Variants in IGSF10 observed in about 807,000 individuals in gnomAD.
IGSF10 encodes calvaria mechanical force protein 608.
A neutral mutation model predicts 128.2 loss-of-function variants in IGSF10; 126 were observed. The ratio of observed to expected loss-of-function variants is 0.98; its 90% CI spans 0.85 to 1.14. The LOEUF (loss-of-function observed/expected upper bound fraction) is 1.14. Ranked by LOEUF, IGSF10 falls within the 50% of genes most tolerant of loss-of-function variation. IGSF10 has a pLI of 0.00. For synonymous variants in IGSF10, 1,185 were observed against 1,146.2 expected (o/e 1.03, Z -0.68); for missense variants, 3,295 against 3,149.8 (o/e 1.05, Z -1.10).
the IGSF10 span, among the ~76,000 whole-genome samples, chr3:151,472,967 C>T: frequency 6.6e-6 from 1 of 152,168 alleles, no homozygotes; most frequent in Non-Finnish European, 1.5e-5. Context: ...AAAAGGACCC[C>T]TTCTGACTTG....
chr3:151,496,958 T>A, the IGSF10 span, among the ~76,000 whole-genome samples: 35 of 152,212 alleles, frequency 2.3e-4, no homozygotes, highest in African/African-American at 7.5e-4. Context: ...CATGTGTCTG[T>A]TGGCTGCATA....
chr3:151,443,906 T>C, intron 6 of IGSF10, 22 bp from the exon 7 acceptor site: 1 of 1,539,736 alleles, frequency 6.5e-7, no homozygotes, highest in Non-Finnish European at 8.8e-7. Flanking sequence ...AAAAGAAAAT[T>C]ATTGCTACGG....
chr3:151,549,563 T>G, the IGSF10 span, among the ~76,000 whole-genome samples: 1 of 152,220 alleles, frequency 6.6e-6, no homozygotes, highest in Non-Finnish European at 1.5e-5. Context: ...GTCTTGAGAT[T>G]TAACTTTCAG....
At position 151,445,772 on chromosome 3, in the gene IGSF10, C is replaced by G. The variant is rs762019857; in HGVS notation, c.4209G>C (p.Gly1403=). The G allele has an allele frequency of 1.9e-6, 3 of 1,614,080 alleles. No homozygotes were observed. Among genetic ancestry groups the G allele is most frequent in the Non-Finnish European group, 2.5e-6 (3 of 1,180,052 alleles). The change falls in exon 6 of 8, where the codon GGG becomes GGC. Residue 1403 remains glycine (G), a synonymous_variant. Coordinates refer to ENST00000282466, the MANE Select transcript of IGSF10 (RefSeq NM_178822.5). ...AATGAAAACTGATTGTGCTTGAAAT[C>G]CCAGTTGTGTTTTCTGGTGGGGAAT... The part of the protein sequence containing the change: ...FTHSPPENTT[G]ISSTISFHSR...
At chr3:151,455,611 T>C (rs1220917066) in intron 4 of IGSF10, among the ~76,000 whole-genome samples, 1 of 152,170 alleles carries the variant, frequency 6.6e-6, no homozygotes, top group Non-Finnish European at 1.5e-5. Context: ...TAGCAAAATG[T>C]TTTCAAGACC....
chr3:151,453,306 C>G (rs1316741714), intron 5 of IGSF10, 78 bp downstream of exon 5: 244 of 1,063,296 alleles, frequency 2.3e-4, no homozygotes, highest in Non-Finnish European at 3.1e-4. Flanking sequence ...TTACCCTGGG[C>G]TCTCCACTTC....
chr3:151,518,428 T>G, the IGSF10 span, among the ~76,000 whole-genome samples: 1 of 152,016 alleles, frequency 6.6e-6, no homozygotes, highest in Admixed American at 6.6e-5. Flanking sequence ...TAAACCATTT[T>G]AAATTTAATT....
Position 151,458,522 on chromosome 3 carries a change from T to C in IGSF10, c.188A>G (p.Asn63Ser), listed in dbSNP as rs970248718. 6.2e-6 allele frequency: 10 copies of C among 1,612,494 alleles called. No individual in the cohort carries two copies. Among genetic ancestry groups the C allele is most frequent in the African/African-American group, 2.7e-5 (2 of 74,864 alleles). The part of the protein sequence containing the change: ...DSIPPNVERI[N>S]LGYNSLVRLM... The stretch of plus-strand genomic sequence containing the variant: ...AACATGAGGTCTCACACACCCTAAA[T>C]TGATGCGTTCCACATTGGGCGGGAT... Residue 63 changes from asparagine (N) to serine (S), a missense_variant, in exon 3 of 8, where the codon AAT becomes AGT. Physicochemically the swap from Asn to Ser is conservative, Grantham distance 46. Coordinates refer to ENST00000282466, the MANE Select transcript of IGSF10 (RefSeq NM_178822.5).
chr3:151,501,237 C>T, the IGSF10 span, among the ~76,000 whole-genome samples: 1 of 152,084 alleles, frequency 6.6e-6, no homozygotes, highest in Non-Finnish European at 1.5e-5. Context: ...TTGCCTCAAG[C>T]TTCCCTGTCT....
the IGSF10 span, among the ~76,000 whole-genome samples, chr3:151,572,181 C>CT: frequency 1.4e-4 from 21 of 152,070 alleles, no homozygotes; most frequent in African/African-American, 5.1e-4. Flanking sequence ...CTAAAATACT[C>CT]TTTTTTTGTT....
the IGSF10 span, among the ~76,000 whole-genome samples, chr3:151,594,887 A>T: frequency 6.6e-6 from 1 of 151,884 alleles, no homozygotes; most frequent in Non-Finnish European, 1.5e-5. Context: ...TATACCCCCA[A>T]AAGATGTACA....
chr3:151,510,540 T>A, the IGSF10 span, among the ~76,000 whole-genome samples: 3 of 151,920 alleles, frequency 2.0e-5, no homozygotes, highest in African/African-American at 7.3e-5. Flanking sequence ...AACTGGAAAC[T>A]CTAAAAATCA....
At chr3:151,525,862 C>T in the IGSF10 span, among the ~76,000 whole-genome samples, 1,271 of 152,266 alleles carry the variant, frequency 8.3e-3, 17 homozygotes, top group African/African-American at 0.029. Flanking sequence ...ATTACATCTG[C>T]AAAAATCCCT....
At chr3:151,469,092 T>A in the IGSF10 span, among the ~76,000 whole-genome samples, 3 of 152,262 alleles carry the variant, frequency 2.0e-5, no homozygotes, top group African/African-American at 7.2e-5. Flanking sequence ...AGCTGCATAG[T>A]ATTTCATGGT....
upstream of IGSF10, among the ~76,000 whole-genome samples, chr3:151,465,560 A>G (rs1204242889): frequency 2.0e-5 from 3 of 152,248 alleles, no homozygotes; most frequent in African/African-American, 7.2e-5. Flanking sequence ...CTTTTTAATG[A>G]AAAGACATTA....
chr3:151,452,298 C>G (rs1721545876), intron 5 of IGSF10, among the ~76,000 whole-genome samples: 1 of 152,150 alleles, frequency 6.6e-6, no homozygotes, highest in Admixed American at 6.5e-5. Flanking sequence ...CTTACACAAA[C>G]CTAGATAGTA....
the IGSF10 span, among the ~76,000 whole-genome samples, chr3:151,590,294 C>T: frequency 6.6e-6 from 1 of 152,090 alleles, no homozygotes; most frequent in African/African-American, 2.4e-5. Flanking sequence ...TCTGCCTTAG[C>T]CTTCCAAAGT....
Position 151,443,034 on chromosome 3 carries a change from G to A in IGSF10, c.5913C>T (p.Pro1971=). 1 of 1,614,164 alleles carries A rather than the reference G, an allele frequency of 6.2e-7. No homozygotes were observed. Among genetic ancestry groups the A allele is most frequent in the South Asian group, 1.1e-5 (1 of 91,082 alleles). The change falls in exon 7 of 8, where the codon CCC becomes CCT. Residue 1971 remains proline, a synonymous_variant. Coordinates refer to ENST00000282466, the MANE Select transcript of IGSF10 (RefSeq NM_178822.5). The stretch of plus-strand genomic sequence containing the variant: ...TGGATGGTAACCTCCACATTATTTG[G>A]GGTTTGGGCTCCCCAGTGGCTGAGC... The part of the protein sequence containing the change: ...LNCSATGEPK[P]QIMWRLPSKA...
At chr3:151,468,195 TACAGATATG>T in the IGSF10 span, among the ~76,000 whole-genome samples, 2 of 152,166 alleles carry the variant, frequency 1.3e-5, no homozygotes, top group African/African-American at 4.8e-5. Context: ...GATGGGAAGT[TACAGATATG>T]ACTGAATTGG....
Sources: allele counts gnomAD v4.1 joint callset (sites outside exome capture counted in the v4.1 genomes callset), GRCh38; gene constraint gnomAD v4.1.1; transcripts MANE v1.5; gene names NCBI Gene and HGNC (gene_info 2026-07-23, HGNC 2026-07-21).